Variants in PNLIPRP1 observed in about 807,000 individuals in gnomAD.
The protein encoded by PNLIPRP1 is pancreatic lipase related protein 1, also known as inactive pancreatic lipase-related protein 1.
Under a neutral mutation model 54.6 loss-of-function variants are expected in PNLIPRP1, and 57 were observed. The observed-to-expected ratio is 1.04, with a 90% CI of 0.84 to 1.30. The LOEUF (loss-of-function observed/expected upper bound fraction) is 1.30, where lower values mean the gene tolerates loss of function less well. Ranked by LOEUF, PNLIPRP1 falls within the 50% of genes most tolerant of loss-of-function variation. The probability of loss-of-function intolerance (pLI) is 0.00; values close to 1 mark genes in which losing one functional copy is unlikely to be tolerated. For synonymous variants in PNLIPRP1, 232 were observed against 208.8 expected (o/e 1.11, Z -0.96); for missense variants, 567 against 568.5 (o/e 1.00, Z 0.03).
chr10:116,606,677 C>T (rs565759335), intron 12 of PNLIPRP1, among the ~76,000 whole-genome samples: 1 of 152,264 alleles, frequency 6.6e-6, no homozygotes, highest in South Asian at 2.1e-4. Context: ...ACAGGTAAGG[C>T]ATACAAGTCC....
At chr10:116,600,994 T>C in intron 9 of PNLIPRP1, 78 bp from the exon 10 acceptor site, 1 of 1,339,748 alleles carries the variant, frequency 7.5e-7, no homozygotes, top group South Asian at 1.5e-5. Flanking sequence ...GTAGGAAAAT[T>C]GAGTGTCTGC....
chr10:116,601,268 T>C, intron 10 of PNLIPRP1, 67 bp downstream of exon 10: 2 of 1,431,232 alleles, frequency 1.4e-6, no homozygotes, highest in Non-Finnish European at 1.9e-6. Flanking sequence ...AATGAGGGGC[T>C]TGCTTTCAAC....
At position 116,596,265 on chromosome 10, in the gene PNLIPRP1, G is replaced by A; in HGVS notation, c.517G>A (p.Gly173Arg). 4.3e-6 allele frequency: 7 copies of A among 1,614,022 alleles called. No homozygotes were observed. The highest frequency in any genetic ancestry group is 5.9e-6 in the Non-Finnish European group (7 of 1,179,928). The change falls in exon 6 of 13, where the codon GGA becomes AGA. Residue 173 changes from glycine (G) to arginine (R), a missense_variant. Coordinates refer to ENST00000358834, the MANE Select transcript of PNLIPRP1 (RefSeq NM_006229.4). ...AGTTCACCTCATTGGCCACAGCCTG[G>A]GAGCCCACGTGGCTGGAGAGGCAGG... ...SKVHLIGHSL[G>R]AHVAGEAGSK...
intron 6 of PNLIPRP1, among the ~76,000 whole-genome samples, 175 bp downstream of exon 6, chr10:116,596,497 C>A (rs1382823835): frequency 1.3e-5 from 2 of 152,206 alleles, no homozygotes; most frequent in African/African-American, 4.8e-5. Context: ...TCATGCGCCA[C>A]CTTCACGGCA....
At chr10:116,598,843 C>T (rs1554864360) in intron 8 of PNLIPRP1, among the ~76,000 whole-genome samples, 1 of 152,222 alleles carries the variant, frequency 6.6e-6, no homozygotes, top group Non-Finnish European at 1.5e-5. Flanking sequence ...CCAGACTTGT[C>T]ATGTGGCACC....
At chr10:116,592,287 C>T in intron 3 of PNLIPRP1, 129 bp from the exon 4 acceptor site, 1 of 1,015,920 alleles carries the variant, frequency 9.8e-7, no homozygotes, top group Non-Finnish European at 1.4e-6. Flanking sequence ...TCAGGGTGGG[C>T]TTCATGGAAG....
chr10:116,605,703 C>A, intron 12 of PNLIPRP1, 150 bp downstream of exon 12: 1 of 522,392 alleles, frequency 1.9e-6, no homozygotes, highest in Non-Finnish European at 3.4e-6. Context: ...AAGCAACTGA[C>A]AAACAGCATA....
At chr10:116,597,515 G>A (rs1336358413) in intron 6 of PNLIPRP1, among the ~76,000 whole-genome samples, 2 of 152,212 alleles carry the variant, frequency 1.3e-5, no homozygotes, top group East Asian at 3.9e-4. Flanking sequence ...CTTGGGGAGA[G>A]AAAGGATGAT....
At chr10:116,592,101 T>C (rs1554863287) in intron 3 of PNLIPRP1, 176 bp downstream of exon 3, 1 of 665,106 alleles carries the variant, frequency 1.5e-6, no homozygotes, top group African/African-American at 1.8e-5. Flanking sequence ...AATGTTGGCT[T>C]GAATGAATGA....
chr10:116,603,254 C>T (rs1847880464), intron 10 of PNLIPRP1, among the ~76,000 whole-genome samples: 1 of 152,144 alleles, frequency 6.6e-6, no homozygotes, highest in Non-Finnish European at 1.5e-5. Flanking sequence ...TGCCAGGCTG[C>T]ACTCCCGAGC....
At position 116,591,015 on chromosome 10, in the gene PNLIPRP1, C is replaced by T. The variant is rs1024765559; in HGVS notation, c.-1+20C>T. On this transcript the variant is annotated intron_variant, in intron 1 of 12. Coordinates refer to ENST00000358834, the MANE Select transcript of PNLIPRP1 (RefSeq NM_006229.4). ...GACAGGGTAAGCCACCTTTGCAACTCCTTTCCCCCTGCTGTGACGTACAGG... is the reference window on the plus strand; with the variant it reads ...GACAGGGTAAGCCACCTTTGCAACTTCTTTCCCCCTGCTGTGACGTACAGG... The T allele has an allele frequency of 1.3e-6, 1 of 749,500 alleles. No individual in the cohort carries two copies. Among genetic ancestry groups the T allele is most frequent in the African/African-American group, 1.7e-5 (1 of 58,766 alleles). The allele number at this position is 749,500 out of a possible 1,614,324, so 46.4% of individuals were successfully genotyped here.
At chr10:116,597,711 T>C (rs1564737042) in intron 6 of PNLIPRP1, 117 bp from the exon 7 acceptor site, 2 of 1,166,672 alleles carry the variant, frequency 1.7e-6, no homozygotes, top group Non-Finnish European at 2.5e-6. Context: ...ACTGCATCAC[T>C]CTGGTGCATG....
chr10:116,591,161 T>C lies in PNLIPRP1; in HGVS notation c.32T>C (p.Leu11Pro). 1 of 1,613,648 alleles carries C rather than the reference T, an allele frequency of 6.2e-7. No homozygotes were observed. Among genetic ancestry groups the C allele is most frequent in the Non-Finnish European group, 8.5e-7 (1 of 1,179,826 alleles). The change falls in exon 2 of 13, where the codon CTG becomes CCG. Residue 11 changes from leucine (L) to proline (P), a missense_variant. Physicochemically the swap from Leu to Pro is moderately conservative, Grantham distance 98. Coordinates refer to ENST00000358834, the MANE Select transcript of PNLIPRP1 (RefSeq NM_006229.4). The part of the protein sequence containing the change: MLIFWTITLF[L>P]LGAAKGKEVC... ...ATCTTCTGGACAATCACACTTTTCC[T>C]GCTGGGAGCAGCCAAAGGTAAGAAA...
At position 116,605,378 on chromosome 10, in the gene PNLIPRP1, A is replaced by G. The variant is rs374927377; in HGVS notation, c.1173-8A>G. ...TGAACAGGGATGTTTATGTTTCTCTATTTCAAGGGGGATTCTCAAACCAGG... is the reference window on the plus strand; with the variant it reads ...TGAACAGGGATGTTTATGTTTCTCTGTTTCAAGGGGGATTCTCAAACCAGG... On this transcript the variant is annotated splice_polypyrimidine_tract_variant and splice_region_variant and intron_variant, in intron 11 of 12. Coordinates refer to ENST00000358834, the MANE Select transcript of PNLIPRP1 (RefSeq NM_006229.4). 1.1e-4 allele frequency: 173 copies of G among 1,551,332 alleles called. No individual in the cohort carries two copies. The highest frequency in any genetic ancestry group is 1.4e-4 in the Non-Finnish European group (156 of 1,136,204).
chr10:116,592,316 C>G, intron 3 of PNLIPRP1, 100 bp from the exon 4 acceptor site: 1 of 1,389,224 alleles, frequency 7.2e-7, no homozygotes, highest in Non-Finnish European at 9.7e-7. Context: ...TTTTGCTAAG[C>G]TTTGAAAAGT....
At chr10:116,597,690 A>C in intron 6 of PNLIPRP1, 138 bp from the exon 7 acceptor site, 2 of 950,034 alleles carry the variant, frequency 2.1e-6, no homozygotes, top group Non-Finnish European at 3.2e-6. Context: ...TTTAGCACCC[A>C]AGGCCATGGC....
At position 116,598,057 on chromosome 10, in the gene PNLIPRP1, G is replaced by T. The variant is rs141131910; in HGVS notation, c.705G>T (p.Thr235=). Residue 235 remains threonine (T), a synonymous_variant, in exon 8 of 13, where the codon ACG becomes ACT. Coordinates refer to ENST00000358834, the MANE Select transcript of PNLIPRP1 (RefSeq NM_006229.4). ...TTCTAAGCATTTCAGGTTTTGGAAC[G>T]AACCAACAGATGGGTCATCTTGACT... ...APLIPFLGFG[T]NQQMGHLDFF... 3.1e-6 allele frequency: 5 copies of T among 1,613,932 alleles called. No homozygotes were observed. The African/African-American group carries it at 5.3e-5, about 17-fold the overall frequency.
At chr10:116,599,836 G>A (rs983672086) in intron 8 of PNLIPRP1, among the ~76,000 whole-genome samples, 2 of 152,174 alleles carry the variant, frequency 1.3e-5, no homozygotes, top group Non-Finnish European at 2.9e-5. Flanking sequence ...AGGATTACAT[G>A]GACAAGGCAG....
intron 8 of PNLIPRP1, among the ~76,000 whole-genome samples, chr10:116,599,255 C>CAAAAATAAAATAAAATAAAA (rs1564737757): frequency 4.9e-5 from 3 of 61,186 alleles, no homozygotes; most frequent in African/African-American, 1.4e-4. Flanking sequence ...AACTCCATCT[C>CAAAAATAAAATAAAATAAAA]GAAAATAAAA....
Sources: allele counts gnomAD v4.1 joint callset (sites outside exome capture counted in the v4.1 genomes callset), GRCh38; gene constraint gnomAD v4.1.1; transcripts MANE v1.5; gene names NCBI Gene and HGNC (gene_info 2026-07-23, HGNC 2026-07-21).